VCAN: variants seen among roughly 807,000 people sequenced by gnomAD.
VCAN encodes the protein versican, also known as versican core protein.
VCAN carries 44 observed loss-of-function variants against 245.5 expected under a neutral mutation model. The ratio of observed to expected loss-of-function variants is 0.18; its 90% CI spans 0.14 to 0.23. VCAN has a LOEUF of 0.23. Among genes scored for constraint, VCAN ranks in the 10% least tolerant of loss-of-function variants. The pLI is 1.00. For missense variants in VCAN, 3,793 were observed against 4,057.9 expected, an observed-to-expected ratio of 0.93 and a Z score of 1.77; for synonymous variants, 1,413 against 1,437.0, an observed-to-expected ratio of 0.98 and a Z score of 0.38.
chr5:83,519,267 C>G (rs560429247), intron 6 of VCAN, 82 bp from the exon 7 acceptor site: 180 of 1,456,832 alleles, frequency 1.2e-4, no homozygotes, highest in Non-Finnish European at 1.6e-4. Context: ...CTACAAAATA[C>G]TCAGGAGCAC....
At chr5:83,555,253 AGTGT>A (rs762431540) in intron 12 of VCAN, among the ~76,000 whole-genome samples, 32 of 152,310 alleles carry the variant, frequency 2.1e-4, no homozygotes, top group Non-Finnish European at 3.8e-4. Context: ...TCAAAAGAGG[AGTGT>A]ACCAGATTTC....
At chr5:83,561,956 A>G (rs1188757095) in intron 12 of VCAN, 1 of 152,174 alleles carries the variant, frequency 6.6e-6, no homozygotes, top group Non-Finnish European at 1.5e-5. Context: ...ATTTGAAAGG[A>G]TTTCACATGA....
chr5:83,541,217 A>G lies in VCAN; in HGVS notation c.8214A>G (p.Ile2738Met), dbSNP rs1746973323. The G allele has an allele frequency of 6.2e-6, 10 of 1,613,988 alleles. No homozygotes were observed. In the East Asian group the frequency reaches 1.8e-4, roughly 29 times the overall value. ...GQAIADQSEI[I>M]PTLGQFERTQ... ...CTATTGCAGACCAAAGTGAAATAAT[A>G]CCAACATTGGGCCAATTTGAAAGGA... Residue 2738 changes from isoleucine (I) to methionine (M), a missense_variant, in exon 8 of 15, where the codon ATA becomes ATG. By Grantham distance (10) the Ile-to-Met change is conservative. Transcript: ENST00000265077.
intron 12 of VCAN, among the ~76,000 whole-genome samples, chr5:83,561,470 A>G (rs565415169): frequency 4.2e-4 from 64 of 152,160 alleles, no homozygotes; most frequent in African/African-American, 1.4e-3. Context: ...AGATAACTCA[A>G]TTTTGCATTT....
intron 2 of VCAN, among the ~76,000 whole-genome samples, chr5:83,487,496 A>G (rs1744833511): frequency 6.6e-6 from 1 of 152,184 alleles, no homozygotes; most frequent in South Asian, 2.1e-4. Flanking sequence ...TTAAACATGC[A>G]TACTCTGTAA....
At chr5:83,546,483 C>T (rs186542169) in intron 9 of VCAN, among the ~76,000 whole-genome samples, 251 of 151,680 alleles carry the variant, frequency 1.7e-3, no homozygotes, top group African/African-American at 4.7e-3. Flanking sequence ...GAGGCCAGCG[C>T]GGTGGTTCAA....
chr5:83,540,018 A>G lies in VCAN; in HGVS notation c.7015A>G (p.Thr2339Ala), dbSNP rs776784548. ...AACATTAATAGAAATTTTAAGTGAC[A>G]CTGGAGCAGAAGGACCCACGGTGGC... Reference protein sequence around the residue: ...STTLIEILSDTGAEGPTVAPL... With the variant: ...STTLIEILSDAGAEGPTVAPL... Residue 2339 changes from threonine to alanine, a missense_variant, in exon 8 of 15, where the codon ACT (threonine) becomes GCT (alanine). By Grantham distance (58) the Thr-to-Ala change is moderately conservative. Transcript: ENST00000265077. 3.7e-6 allele frequency: 6 copies of G among 1,613,964 alleles called. No homozygotes were observed. In the Admixed American group the frequency reaches 1.0e-4, roughly 27 times the overall value.
In VCAN at chr5:83,581,085, T is replaced by A. The variant is rs1279718854; in HGVS notation, c.*651T>A. 6.5e-6 allele frequency: 1 copy of A among 154,310 alleles called. No individual in the cohort carries two copies. Among genetic ancestry groups the A allele is most frequent in the Non-Finnish European group, 1.4e-5 (1 of 69,194 alleles). 9.6% of individuals were successfully genotyped at this position (154,310 alleles called of 1,614,324 possible). A position where few individuals can be genotyped will look rare whatever the true frequency, so the allele number is the denominator to read the frequency against. On this transcript the variant is annotated 3_prime_UTR_variant, in exon 15 of 15. Coordinates refer to ENST00000265077, the MANE Select transcript of VCAN (RefSeq NM_004385.5). ...ATCCTGATGGAACTAAGGACTCCAA[T>A]GTCGAACTCTTCTTTGCTGCATTCC...
At chr5:83,525,237 G>A (rs1429641289) in intron 7 of VCAN, among the ~76,000 whole-genome samples, 2 of 151,618 alleles carry the variant, frequency 1.3e-5, no homozygotes, top group Non-Finnish European at 2.9e-5. Flanking sequence ...AATGCTATGG[G>A]GTGTGTTTAA....
rs886060815 is a variant in VCAN, at chr5:83,471,941, T to C, written c.-89T>C. Reference sequence around the variant, plus strand: ...TCCCCGGGCCACCACGCTTCCTATGTGACCCGCCTGGGCAACGCCGAACCC... The same window carrying C: ...TCCCCGGGCCACCACGCTTCCTATGCGACCCGCCTGGGCAACGCCGAACCC... On this transcript the variant is annotated 5_prime_UTR_variant, in exon 1 of 15. The change abolishes the stop of an existing upstream ORF in the 5' untranslated region. Coordinates refer to ENST00000265077, the MANE Select transcript of VCAN (RefSeq NM_004385.5). 1 of 392,706 alleles carries C rather than the reference T, an allele frequency of 2.5e-6. No homozygotes were observed. The allele number at this position is 392,706 out of a possible 1,614,324, so 24.3% of individuals were successfully genotyped here.
intron 12 of VCAN, among the ~76,000 whole-genome samples, chr5:83,567,733 G>T (rs1367107821): frequency 6.6e-6 from 1 of 152,216 alleles, no homozygotes; most frequent in African/African-American, 2.4e-5. Flanking sequence ...CGTTTGAGGT[G>T]TGTTGCATGA....
chr5:83,540,491 C>G lies in VCAN; in HGVS notation c.7488C>G (p.Asn2496Lys), dbSNP rs763749021. The stretch of plus-strand genomic sequence containing the variant: ...TGCTGCCTCTTCATTCAGAGCAGAA[C>G]AAAAGCTCCCCTGATCCAACTAGCA... ...SVMLPLHSEQ[N>K]KSSPDPTSTL... is the part of the protein sequence containing the mutation. Residue 2496 changes from asparagine (N) to lysine (K), a missense_variant, in exon 8 of 15, where the codon AAC (asparagine) becomes AAG (lysine). Physicochemically the swap from Asn to Lys is moderately conservative, Grantham distance 94. Coordinates refer to ENST00000265077, the MANE Select transcript of VCAN (RefSeq NM_004385.5). 1.1e-5 allele frequency: 18 copies of G among 1,613,808 alleles called. No homozygotes were observed. The East Asian group carries it at 3.6e-4, about 32-fold the overall frequency.
chr5:83,474,615 C>T (rs1171420098), intron 1 of VCAN, among the ~76,000 whole-genome samples: 1 of 152,146 alleles, frequency 6.6e-6, no homozygotes, highest in Non-Finnish European at 1.5e-5. Flanking sequence ...CGGCTCCCAG[C>T]CGAGACGGGT....
intron 10 of VCAN, 151 bp from the exon 11 acceptor site, chr5:83,553,212 AT>A: frequency 1.0e-6 from 1 of 981,802 alleles, no homozygotes. Flanking sequence ...CTTCATAATA[AT>A]TTCTTTGTCA....
intron 5 of VCAN, among the ~76,000 whole-genome samples, chr5:83,507,287 A>C (rs1280446308): frequency 6.6e-6 from 1 of 152,174 alleles, no homozygotes; most frequent in Non-Finnish European, 1.5e-5. Context: ...CTATCCGTTA[A>C]ATCTAAGAAT....
At chr5:83,568,339 TG>T (rs1227919515) in intron 12 of VCAN, among the ~76,000 whole-genome samples, 1 of 152,184 alleles carries the variant, frequency 6.6e-6, no homozygotes, top group Non-Finnish European at 1.5e-5. Flanking sequence ...GACATGCCTG[TG>T]GGTATCAGAC....
Position 83,579,993 on chromosome 5 carries a change from G to GC in VCAN, c.9899dup (p.Val3301CysfsTer16). ...GCTTTCCTTTAGTCGCTTGCGGCCAGCCCCCTGTTGTAGAAAATGCCAAGA... is the reference window on the plus strand; with the variant it reads ...GCTTTCCTTTAGTCGCTTGCGGCCAGCCCCCCTGTTGTAGAAAATGCCAAGA... On this transcript the variant is annotated frameshift_variant, in exon 14 of 15. Coordinates refer to ENST00000265077, the MANE Select transcript of VCAN (RefSeq NM_004385.5). LOFTEE classifies it high-confidence loss of function. 6.2e-7 allele frequency: 1 copy of GC among 1,614,002 alleles called. No homozygotes were observed. Among genetic ancestry groups the GC allele is most frequent in the Non-Finnish European group, 8.5e-7 (1 of 1,179,964 alleles).
intron 1 of VCAN, 148 bp downstream of exon 1, chr5:83,472,171 C>T (rs1195454435): frequency 2.5e-5 from 4 of 161,484 alleles, no homozygotes; most frequent in African/African-American, 7.2e-5. Flanking sequence ...AATGTAGGCA[C>T]TTAAAAAATG....
intron 6 of VCAN, among the ~76,000 whole-genome samples, chr5:83,513,329 A>G (rs1044455974): frequency 3.3e-5 from 5 of 152,212 alleles, no homozygotes; most frequent in African/African-American, 1.2e-4. Context: ...TAAATTTCCA[A>G]TGTATCTTGT....
Sources: allele counts gnomAD v4.1 joint callset (sites outside exome capture counted in the v4.1 genomes callset), GRCh38; gene constraint gnomAD v4.1.1; transcripts MANE v1.5; gene names NCBI Gene and HGNC (gene_info 2026-07-23, HGNC 2026-07-21).